COL24A1: variants seen among roughly 807,000 people sequenced by gnomAD.
COL24A1 encodes collagen alpha-1(XXIV) chain.
Under a neutral mutation model 253.9 loss-of-function variants are expected in COL24A1, and 224 were observed. The observed-to-expected ratio is 0.88, with a 90% CI of 0.79 to 0.99. COL24A1 has a LOEUF of 0.99. Ranked by LOEUF, COL24A1 falls within the 50% of genes least tolerant of loss-of-function variation. The pLI is 0.00. For synonymous variants in COL24A1, 685 were observed against 673.7 expected (o/e 1.02, Z -0.26); for missense variants, 2,131 against 2,068.5 (o/e 1.03, Z -0.59).
intron 47 of COL24A1, among the ~76,000 whole-genome samples, chr1:85,798,260 A>G (rs1007091977): frequency 1.3e-5 from 2 of 152,002 alleles, no homozygotes; most frequent in African/African-American, 2.4e-5. Flanking sequence ...TTCAACTAAG[A>G]AAGTTAAATC....
intron 47 of COL24A1, among the ~76,000 whole-genome samples, chr1:85,792,433 C>A (rs1034555098): frequency 4.6e-5 from 7 of 150,772 alleles, no homozygotes; most frequent in Admixed American, 4.0e-4. Context: ...ATCCCTGTAA[C>A]CCCAGCACTT....
chr1:86,049,999 T>C (rs1700183906), intron 11 of COL24A1, 125 bp downstream of exon 11: 2 of 709,442 alleles, frequency 2.8e-6, no homozygotes, highest in Admixed American at 2.8e-5. Flanking sequence ...TGGCAGGTGA[T>C]TTTTCTTCAA....
chr1:86,066,744 AT>A (rs570494462), intron 7 of COL24A1, among the ~76,000 whole-genome samples: 37 of 152,304 alleles, frequency 2.4e-4, no homozygotes, highest in African/African-American at 7.5e-4. Context: ...ATTATTGCTA[AT>A]TTTTTATTGC....
chr1:86,111,392 T>A (rs1557668359), intron 5 of COL24A1, among the ~76,000 whole-genome samples: 1 of 151,686 alleles, frequency 6.6e-6, no homozygotes, highest in Non-Finnish European at 1.5e-5. Flanking sequence ...CTTGGAGAAC[T>A]TTTATGTCTA....
intron 7 of COL24A1, among the ~76,000 whole-genome samples, chr1:86,077,275 A>T (rs1702318279): frequency 6.6e-6 from 1 of 152,224 alleles, no homozygotes; most frequent in African/African-American, 2.4e-5. Context: ...ATGCAAATCA[A>T]AACCACAATG....
Position 86,014,459 on chromosome 1 carries a change from T to C in COL24A1, c.2310+2692A>G, listed in dbSNP as rs548019015. Among the ~76,000 whole-genome samples, 3 of 152,338 alleles carry C rather than the reference T, an allele frequency of 2.0e-5. No individual in the cohort carries two copies. The East Asian group carries it at 5.8e-4, about 29-fold the overall frequency. On this transcript the variant is annotated intron_variant, in intron 19 of 59. Transcript: ENST00000370571. ...CTTTATGCAGATGATTATATAAATA[T>C]GTATCTCTAGTCTACTTTTCTGAGC...
chr1:85,944,501 AT>A (rs1488589904), intron 24 of COL24A1, among the ~76,000 whole-genome samples: 1 of 152,164 alleles, frequency 6.6e-6, no homozygotes, highest in Non-Finnish European at 1.5e-5. Flanking sequence ...CCAGAATTAT[AT>A]TTTCGGATTT....
intron 5 of COL24A1, among the ~76,000 whole-genome samples, chr1:86,100,396 A>T (rs1427050033): frequency 6.6e-6 from 1 of 152,080 alleles, no homozygotes; most frequent in Non-Finnish European, 1.5e-5. Context: ...AAGGGAGGCA[A>T]TTTTTAAAAG....
rs144786814 is a variant in COL24A1, at chr1:85,736,573, T to C, written c.4782+823A>G. On this transcript the variant is annotated intron_variant, in intron 58 of 59. Coordinates refer to ENST00000370571, the MANE Select transcript of COL24A1 (RefSeq NM_152890.7). ...AATGGTGAATGCCTATTAAGATAAA[T>C]TGATGGAATGCCCTGGTTAATGAAG... The C allele has an allele frequency of 2.1e-4, 95 of 444,136 alleles. No homozygotes were observed. The East Asian group carries it at 2.4e-3, about 11-fold the overall frequency. The allele number at this position is 444,136 out of a possible 1,614,324, so 27.5% of individuals were successfully genotyped here. A position where few individuals can be genotyped will look rare whatever the true frequency, so the allele number is the denominator to read the frequency against.
At chr1:86,018,573 AG>A in intron 18 of COL24A1, among the ~76,000 whole-genome samples, 1 of 152,342 alleles carries the variant, frequency 6.6e-6, no homozygotes, top group South Asian at 2.1e-4. Context: ...CTTTGTTTTC[AG>A]AAAAGCTGAT....
chr1:85,964,613 C>G (rs929458750), intron 23 of COL24A1, among the ~76,000 whole-genome samples: 1 of 152,082 alleles, frequency 6.6e-6, no homozygotes, highest in East Asian at 1.9e-4. Flanking sequence ...CATCCAAAAT[C>G]TGAAGATCTG....
intron 47 of COL24A1, among the ~76,000 whole-genome samples, chr1:85,803,408 T>G (rs1413715406): frequency 7.1e-6 from 1 of 141,664 alleles, no homozygotes; most frequent in African/African-American, 2.6e-5. Context: ...CCAGCCTAGG[T>G]GACAGAGCAA....
At chr1:86,142,843 C>T (rs1345570340) in intron 2 of COL24A1, among the ~76,000 whole-genome samples, 1 of 151,990 alleles carries the variant, frequency 6.6e-6, no homozygotes, top group Non-Finnish European at 1.5e-5. Flanking sequence ...GTAAAAAGAC[C>T]TGTACCAAGA....
chr1:85,829,794 C>T (rs1674931190), intron 43 of COL24A1, among the ~76,000 whole-genome samples: 1 of 151,936 alleles, frequency 6.6e-6, no homozygotes, highest in Admixed American at 6.6e-5. Context: ...AAGCACTTCT[C>T]TGTATTGGTT....
intron 47 of COL24A1, among the ~76,000 whole-genome samples, chr1:85,787,351 C>A (rs1200645423): frequency 6.6e-6 from 1 of 152,084 alleles, no homozygotes; most frequent in Non-Finnish European, 1.5e-5. Flanking sequence ...TTTCCTAATG[C>A]TCTCCCTCTG....
chr1:85,886,067 C>CT (rs945817271), intron 32 of COL24A1, among the ~76,000 whole-genome samples: 163 of 146,036 alleles, frequency 1.1e-3, no homozygotes, highest in Middle Eastern at 7.2e-3. Context: ...CACACAATAA[C>CT]TTTTTTTTTT....
At chr1:85,764,801 G>A (rs996169634) in intron 53 of COL24A1, among the ~76,000 whole-genome samples, 9 of 151,848 alleles carry the variant, frequency 5.9e-5, no homozygotes, top group Admixed American at 2.0e-4. Flanking sequence ...CTTTAAAGAC[G>A]GGAGTCTTGC....
At chr1:86,023,106 C>A (rs938160493) in intron 14 of COL24A1, 99 bp from the exon 15 acceptor site, 1 of 1,002,742 alleles carries the variant, frequency 1.0e-6, no homozygotes, top group African/African-American at 1.6e-5. Flanking sequence ...AAACAGCCAA[C>A]TCACTAAGCT....
chr1:85,993,922 A>C (rs1571516377), intron 19 of COL24A1, among the ~76,000 whole-genome samples: 1 of 152,066 alleles, frequency 6.6e-6, no homozygotes, highest in East Asian at 1.9e-4. Flanking sequence ...ATGTTAAATT[A>C]TAATAACAGC....
Sources: gnomAD v4.1 joint callset for allele counts (sites outside exome capture counted in the v4.1 genomes callset) on GRCh38, gnomAD v4.1.1 for gene constraint, MANE v1.5 for transcripts, NCBI Gene and HGNC (gene_info 2026-07-23, HGNC 2026-07-21) for gene names.